TSPAN18: variants seen among roughly 807,000 people sequenced by gnomAD.
TSPAN18 encodes the protein tetraspanin 18, also known as tetraspanin-18.
In TSPAN18, 14 loss-of-function variants were observed where a neutral mutation model predicts 27.3. That is an observed-to-expected ratio of 0.51 (90% CI 0.34 to 0.80). The LOEUF is 0.80. Ranked by LOEUF, TSPAN18 falls within the 30% of genes least tolerant of loss-of-function variation. The probability of loss-of-function intolerance (pLI) is 0.01; values close to 1 mark genes in which losing one functional copy is unlikely to be tolerated. For synonymous variants in TSPAN18, 143 were observed against 136.5 expected (o/e 1.05, Z -0.33); for missense variants, 268 against 323.9 (o/e 0.83, Z 1.32).
chr11:44,877,169 G>A (rs535867516), intron 3 of TSPAN18, among the ~76,000 whole-genome samples: 57 of 152,262 alleles, frequency 3.7e-4, no homozygotes, highest in Non-Finnish European at 6.6e-4. Flanking sequence ...CCAAACAGTC[G>A]AGGGGTCCCC....
At chr11:44,888,155 C>G (rs1368684528) in intron 3 of TSPAN18, among the ~76,000 whole-genome samples, 1 of 152,120 alleles carries the variant, frequency 6.6e-6, no homozygotes, top group African/African-American at 2.4e-5. Flanking sequence ...GCTGCCAACT[C>G]CTCCTCTTCA....
chr11:44,728,052 G>C (rs1854560104), intron 1 of TSPAN18, among the ~76,000 whole-genome samples: 1 of 152,216 alleles, frequency 6.6e-6, no homozygotes, highest in Non-Finnish European at 1.5e-5. Flanking sequence ...CAGGAAGCGC[G>C]TTCTGGCTCC....
At chr11:44,861,469 T>A (rs1207501081) in intron 3 of TSPAN18, among the ~76,000 whole-genome samples, 2 of 18,968 alleles carry the variant, frequency 1.1e-4, no homozygotes, top group East Asian at 2.6e-3. Flanking sequence ...GGGCGGTCGG[T>A]GCTGGGCGGG....
chr11:44,764,838 G>T (rs2134895753), intron 2 of TSPAN18, among the ~76,000 whole-genome samples: 1 of 152,240 alleles, frequency 6.6e-6, no homozygotes, highest in Admixed American at 6.5e-5. Flanking sequence ...CTGTATCAAG[G>T]ACCCCTCCCT....
intron 3 of TSPAN18, among the ~76,000 whole-genome samples, chr11:44,876,443 C>T (rs1457070059): frequency 6.6e-6 from 1 of 152,164 alleles, no homozygotes; most frequent in Non-Finnish European, 1.5e-5. Flanking sequence ...TTTCTTATCT[C>T]CAAAGTAAAG....
At chr11:44,882,627 C>CACACACACAGAGAGAG (rs375349718) in intron 3 of TSPAN18, among the ~76,000 whole-genome samples, 1 of 130,692 alleles carries the variant, frequency 7.7e-6, no homozygotes, top group African/African-American at 3.0e-5. Flanking sequence ...CACACACACA[C>CACACACACAGAGAGAG]AGAGAGAGAG....
rs781669988 is a variant in TSPAN18, at chr11:44,884,723, C to T, written c.-10-21684C>T. Among the ~76,000 whole-genome samples, 4 of 152,154 alleles carry T rather than the reference C, an allele frequency of 2.6e-5. 1 individual carries two copies. Among genetic ancestry groups the T allele is most frequent in the Non-Finnish European group, 5.9e-5 (4 of 68,034 alleles). ...CATGATGACACTGGGAGGTGGGTGC[C>T]ATCTTTATTCCTATGCTCCAGATGA... On this transcript the variant is annotated intron_variant, in intron 3 of 9. Transcript: ENST00000520358.
chr11:44,797,317 A>G (rs920066649), intron 2 of TSPAN18, among the ~76,000 whole-genome samples: 14 of 152,146 alleles, frequency 9.2e-5, no homozygotes, highest in Admixed American at 3.9e-4. Flanking sequence ...TGGACATTTG[A>G]GCCCCCACTG....
rs1554941244 is a variant in TSPAN18, at chr11:44,924,097, T to TGTGTGTGTGTGTGTG, written c.616-2577_616-2576insGTGTGTGTGTGTGTG. Among the ~76,000 whole-genome samples, 425 of 145,874 alleles carry TGTGTGTGTGTGTGTG rather than the reference T, an allele frequency of 2.9e-3. 2 individuals are homozygous for TGTGTGTGTGTGTGTG. The highest frequency in any genetic ancestry group is 9.8e-3 in the African/African-American group (383 of 38,970). On this transcript the variant is annotated intron_variant, in intron 8 of 9. Coordinates refer to ENST00000520358, the MANE Select transcript of TSPAN18 (RefSeq NM_130783.5). ...CTGCTTCTCCTGTCCCCTTCTGGGG[T>TGTGTGTGTGTGTGTG]TGTGTGTGTGTGTGTGTGTGTGTGT... is the stretch of plus-strand genomic sequence containing the variant.
rs1860062306 is a variant in TSPAN18 at position 44,919,925 on chromosome 11, C to G, written c.541C>G (p.Pro181Ala). Residue 181 changes from proline (P) to alanine (A), a missense_variant, in exon 8 of 10, where the codon CCC (proline) becomes GCC (alanine). Transcript: ENST00000520358. Reference protein sequence around the residue: ...EVPEACCRREPQSRDGVLLSR... With the variant: ...EVPEACCRREAQSRDGVLLSR... ...GCCGGAGGCCTGCTGCCGGAGGGAACCCCAAAGTCGGGACGGGGTCCTGCT... is the reference window on the plus strand; with the variant it reads ...GCCGGAGGCCTGCTGCCGGAGGGAAGCCCAAAGTCGGGACGGGGTCCTGCT... 1 of 1,614,100 alleles carries G rather than the reference C, an allele frequency of 6.2e-7. No homozygotes were observed. Among genetic ancestry groups the G allele is most frequent in the Non-Finnish European group, 8.5e-7 (1 of 1,180,038 alleles).
intron 3 of TSPAN18, among the ~76,000 whole-genome samples, chr11:44,905,863 T>C (rs1273756461): frequency 6.6e-6 from 1 of 152,152 alleles, no homozygotes; most frequent in African/African-American, 2.4e-5. Flanking sequence ...CTGCTCTCCT[T>C]TTCCCTGCAA....
intron 3 of TSPAN18, among the ~76,000 whole-genome samples, chr11:44,881,611 C>T (rs772479841): frequency 2.7e-4 from 41 of 152,290 alleles, no homozygotes; most frequent in African/African-American, 7.9e-4. Context: ...AATACATCTC[C>T]GCCACCTGTA....
intron 2 of TSPAN18, among the ~76,000 whole-genome samples, chr11:44,842,630 A>G (rs1464387020): frequency 6.6e-6 from 1 of 152,188 alleles, no homozygotes; most frequent in African/African-American, 2.4e-5. Context: ...GAAACTGAGC[A>G]TGAAGTCCTT....
At chr11:44,924,798 C>T (rs545126254) in intron 8 of TSPAN18, among the ~76,000 whole-genome samples, 2 of 152,264 alleles carry the variant, frequency 1.3e-5, no homozygotes, top group East Asian at 1.9e-4. Flanking sequence ...ATGTAAATGA[C>T]GAGTTAATGG....
At chr11:44,861,441 TGGTCGGTGCTGGGGTGGGGGC>T (rs1428845476) in intron 3 of TSPAN18, among the ~76,000 whole-genome samples, 49 of 53,940 alleles carry the variant, frequency 9.1e-4, no homozygotes, top group African/African-American at 3.3e-3. Flanking sequence ...CTGTGGGGAC[TGGTCGGTGCTGGGGTGGGGGC>T]GGTCGGTGCT....
intron 1 of TSPAN18, among the ~76,000 whole-genome samples, chr11:44,731,505 TATC>T (rs1160508907): frequency 1.3e-5 from 2 of 151,846 alleles, no homozygotes; most frequent in Non-Finnish European, 2.9e-5. Flanking sequence ...AAGTGTTCAC[TATC>T]ATCATCATTG....
chr11:44,777,355 G>T (rs913973157), intron 2 of TSPAN18, among the ~76,000 whole-genome samples: 3 of 152,144 alleles, frequency 2.0e-5, no homozygotes, highest in African/African-American at 4.8e-5. Context: ...ACCTCATCTG[G>T]CCTCTGGGCT....
chr11:44,774,200 C>T (rs963523906), intron 2 of TSPAN18, among the ~76,000 whole-genome samples: 2 of 152,202 alleles, frequency 1.3e-5, no homozygotes, highest in Non-Finnish European at 2.9e-5. Flanking sequence ...AAAGACAGGG[C>T]TTCTTAGGAA....
At chr11:44,743,563 C>T (rs1367385046) in intron 1 of TSPAN18, among the ~76,000 whole-genome samples, 1 of 152,222 alleles carries the variant, frequency 6.6e-6, no homozygotes, top group East Asian at 1.9e-4. Context: ...TCTGCAGGAA[C>T]AGCCGAGTCC....
Sources: gnomAD v4.1 joint callset for allele counts (sites outside exome capture counted in the v4.1 genomes callset) on GRCh38, gnomAD v4.1.1 for gene constraint, MANE v1.5 for transcripts, NCBI Gene and HGNC (gene_info 2026-07-23, HGNC 2026-07-21) for gene names.